C1QTNF8: variants seen among roughly 807,000 people sequenced by gnomAD.
C1QTNF8 encodes C1q and TNF related 8, also known as complement C1q tumor necrosis factor-related protein 8.
C1QTNF8 carries 27 observed loss-of-function variants against 19.2 expected under a neutral mutation model. The observed-to-expected ratio is 1.41, with a 90% CI of 1.04 to 1.94. The LOEUF (loss-of-function observed/expected upper bound fraction) is 1.94. Among genes scored for constraint, C1QTNF8 ranks in the 30% most tolerant of loss-of-function variants. C1QTNF8 has a pLI of 0.00. For synonymous variants in C1QTNF8, 208 were observed against 172.8 expected (o/e 1.20, Z -1.60); for missense variants, 484 against 374.4 (o/e 1.29, Z -2.42).
chr16:1,093,422 ACC>A, intron 4 of C1QTNF8, 73 bp downstream of exon 4: 1 of 451,222 alleles, frequency 2.2e-6, no homozygotes, highest in Non-Finnish European at 2.9e-6. Flanking sequence ...ACCCACACCC[ACC>A]CCCACACACA....
Position 1,088,785 on chromosome 16 carries a change from C to G in C1QTNF8, c.*1814G>C, listed in dbSNP as rs1297204823. On this transcript the variant is annotated 3_prime_UTR_variant, in exon 5 of 5. Transcript: ENST00000328449. The stretch of plus-strand genomic sequence containing the variant: ...ACCTTGCACCCCTGCCCGCCTGACC[C>G]CTGCTGCAGCCCGACCCCTGCCCGC... Among the ~76,000 whole-genome samples, 12 of 152,126 alleles carry G rather than the reference C, an allele frequency of 7.9e-5. No homozygotes were observed. Among genetic ancestry groups the G allele is most frequent in the Non-Finnish European group, 1.8e-4 (12 of 68,030 alleles).
At chr16:1,091,730 T>G (rs1960547804) in intron 4 of C1QTNF8, among the ~76,000 whole-genome samples, 1 of 152,014 alleles carries the variant, frequency 6.6e-6, no homozygotes. Context: ...CCAATCTTCC[T>G]CCAGCCCCCA....
rs934646359 is a variant in C1QTNF8 at position 1,089,245 on chromosome 16, G to A, written c.*1354C>T. ...TCCCATCCAGCCCTGCTCTCTCACC[G>A]GGGCCAAGAACCTCTGCATGGCCAG... On this transcript the variant is annotated 3_prime_UTR_variant, in exon 5 of 5. Coordinates refer to ENST00000328449, the MANE Select transcript of C1QTNF8 (RefSeq NM_207419.3). Among the ~76,000 whole-genome samples, 12 of 152,118 alleles carry A rather than the reference G, an allele frequency of 7.9e-5. No individual in the cohort carries two copies. Among genetic ancestry groups the A allele is most frequent in the Admixed American group, 1.3e-4 (2 of 15,278 alleles).
intron 4 of C1QTNF8, among the ~76,000 whole-genome samples, chr16:1,093,060 A>C (rs142945477): frequency 0.035 from 652 of 18,454 alleles, no homozygotes; most frequent in African/African-American, 0.08. Context: ...TCAACCAATC[A>C]CTGCACACAG....
Position 1,089,053 on chromosome 16 carries a change from C to G in C1QTNF8, c.*1546G>C, listed in dbSNP as rs1256921173. Among the ~76,000 whole-genome samples the G allele has an allele frequency of 6.6e-6, 1 of 152,190 alleles. No homozygotes were observed. The highest frequency in any genetic ancestry group is 1.5e-5 in the Non-Finnish European group (1 of 68,020). ...CTGCCACCCTGGCAGCACAGGCTCACTGGAATCACAGAGGCTGGAGACCCC... is the reference window on the plus strand; with the variant it reads ...CTGCCACCCTGGCAGCACAGGCTCAGTGGAATCACAGAGGCTGGAGACCCC... On this transcript the variant is annotated 3_prime_UTR_variant, in exon 5 of 5. Coordinates refer to ENST00000328449, the MANE Select transcript of C1QTNF8 (RefSeq NM_207419.3).
chr16:1,093,335 A>C (rs112015869), intron 4 of C1QTNF8, among the ~76,000 whole-genome samples, 162 bp downstream of exon 4: 32 of 136,062 alleles, frequency 2.4e-4, no homozygotes, highest in African/African-American at 5.3e-4. Context: ...AGCGCTCAAC[A>C]AATCACTGCA....
chr16:1,094,148 G>A (rs1960635717), intron 3 of C1QTNF8, 97 bp from the exon 4 acceptor site: 1 of 990,744 alleles, frequency 1.0e-6, no homozygotes, highest in Middle Eastern at 2.9e-4. Flanking sequence ...AAGGGTCACT[G>A]TAAGGACACA....
rs1452117671 is a variant in C1QTNF8 at position 1,088,980 on chromosome 16, C to A, written c.*1619G>T. ...TGGTGACGGGCACTTTCTGAGCTCC[C>A]TGGTGCAGGGGCTGGCGTCTTCCCG... On this transcript the variant is annotated 3_prime_UTR_variant, in exon 5 of 5. Transcript: ENST00000328449. Among the ~76,000 whole-genome samples the A allele has an allele frequency of 3.3e-5, 5 of 152,166 alleles. No individual in the cohort carries two copies. Among genetic ancestry groups the A allele is most frequent in the African/African-American group, 1.2e-4 (5 of 41,436 alleles).
At chr16:1,094,679 G>A (rs755053284) in intron 3 of C1QTNF8, 36 bp downstream of exon 3, 2 of 1,566,088 alleles carry the variant, frequency 1.3e-6, no homozygotes, top group South Asian at 1.1e-5. Flanking sequence ...TTGGGTCCTG[G>A]TGGGGGAGCA....
intron 3 of C1QTNF8, 70 bp from the exon 4 acceptor site, chr16:1,094,121 G>A: frequency 9.5e-6 from 12 of 1,256,918 alleles, no homozygotes; most frequent in Non-Finnish European, 1.2e-5. Flanking sequence ...CAGCACCCAG[G>A]CCAGGGGCTG....
In C1QTNF8 at chr16:1,089,790, G is replaced by T. The variant is rs1960506116; in HGVS notation, c.*809C>A. ...GGGGGTGTCCCGGTCGGGGTGGGAG[G>T]CCTGGGGTCTGCCAATCTCCCCTCG... On this transcript the variant is annotated 3_prime_UTR_variant, in exon 5 of 5. Coordinates refer to ENST00000328449, the MANE Select transcript of C1QTNF8 (RefSeq NM_207419.3). Among the ~76,000 whole-genome samples the T allele has an allele frequency of 6.6e-6, 1 of 152,118 alleles. No homozygotes were observed. The highest frequency in any genetic ancestry group is 1.5e-5 in the Non-Finnish European group (1 of 68,000).
chr16:1,091,923 T>TG (rs1960553049), intron 4 of C1QTNF8, among the ~76,000 whole-genome samples: 1 of 152,222 alleles, frequency 6.6e-6, no homozygotes, highest in Non-Finnish European at 1.5e-5. Context: ...TGGCCTCCCC[T>TG]GGGTCCATCC....
rs1217934445 is a variant in C1QTNF8 at position 1,093,383 on chromosome 16, A to ACCACAC, written c.*4+108_*4+113dup. 113 of 123,732 alleles carry ACCACAC rather than the reference A, an allele frequency of 9.1e-4. No homozygotes were observed. In the African/African-American group the frequency reaches 0.016, roughly 18 times the overall value. 7.7% of individuals were successfully genotyped at this position (123,732 alleles called of 1,614,324 possible). On this transcript the variant is annotated intron_variant, in intron 4 of 4. Transcript: ENST00000328449. The stretch of plus-strand genomic sequence containing the variant: ...TGAAGCTCCGCTGCCCGCCCACCCC[A>ACCACAC]CCACACCCACACCCACCCACACACA...
rs73494060 is a variant in C1QTNF8, at chr16:1,088,523, C to T, written c.*2076G>A. On this transcript the variant is annotated 3_prime_UTR_variant, in exon 5 of 5. Transcript: ENST00000328449. Reference sequence around the variant, plus strand: ...GGCCTCTACCAAGCATCCCTCTTTCCGCTCCCACCTGGCACTGGCAGCGTC... The same window carrying T: ...GGCCTCTACCAAGCATCCCTCTTTCTGCTCCCACCTGGCACTGGCAGCGTC... Among the ~76,000 whole-genome samples, 2,062 of 152,312 alleles carry T rather than the reference C, an allele frequency of 0.014. 40 individuals are homozygous for T. Among genetic ancestry groups the T allele is most frequent in the African/African-American group, 0.047 (1,963 of 41,546 alleles).
At position 1,093,719 on chromosome 16, in the gene C1QTNF8, G is replaced by T. The variant is rs770757572; in HGVS notation, c.541C>A (p.His181Asn). The change falls in exon 4 of 5, where the codon CAC (histidine) becomes AAC (asparagine). Residue 181 changes from histidine to asparagine, a missense_variant. Physicochemically the swap from His to Asn is moderately conservative, Grantham distance 68. Transcript: ENST00000328449. Reference sequence around the variant, plus strand: ...GCGGGCCGCCGGTTCAGCATGATGTGCAGGTAGGTCTCCTTGTAGTTCCAG... The same window carrying T: ...GCGGGCCGCCGGTTCAGCATGATGTTCAGGTAGGTCTCCTTGTAGTTCCAG... ...HTWNYKETYLHIMLNRRPAAV... is the reference protein window; with the variant it reads ...HTWNYKETYLNIMLNRRPAAV... The T allele has an allele frequency of 1.9e-6, 3 of 1,611,920 alleles. No homozygotes were observed. Among genetic ancestry groups the T allele is most frequent in the Non-Finnish European group, 2.5e-6 (3 of 1,179,452 alleles).
intron 4 of C1QTNF8, 24 bp downstream of exon 4, chr16:1,093,473 G>C: frequency 7.0e-7 from 1 of 1,438,372 alleles, no homozygotes; most frequent in Non-Finnish European, 9.1e-7. Flanking sequence ...CGCGCGCCCG[G>C]TGCTCAGCCG....
intron 4 of C1QTNF8, 139 bp downstream of exon 4, chr16:1,093,358 T>TCAA: frequency 1.6e-6 from 1 of 626,806 alleles, no homozygotes; most frequent in African/African-American, 2.0e-5. Context: ...CAGTCGGCGC[T>TCAA]GAAGCTCCGC....
At position 1,093,719 on chromosome 16, in the gene C1QTNF8, G is replaced by A. The variant is rs770757572; in HGVS notation, c.541C>T (p.His181Tyr). ...GCGGGCCGCCGGTTCAGCATGATGT[G>A]CAGGTAGGTCTCCTTGTAGTTCCAG... ...HTWNYKETYL[H>Y]IMLNRRPAAV... The change falls in exon 4 of 5, where the codon CAC (histidine) becomes TAC (tyrosine). Residue 181 changes from histidine to tyrosine, a missense_variant. His to Tyr is a moderately conservative substitution (Grantham distance 83). Transcript: ENST00000328449. 43 of 1,611,802 alleles carry A rather than the reference G, an allele frequency of 2.7e-5. 1 individual carries two copies. The South Asian group carries it at 4.7e-4, about 18-fold the overall frequency.
chr16:1,093,145 C>T (rs539820822), intron 4 of C1QTNF8, among the ~76,000 whole-genome samples: 2 of 142,782 alleles, frequency 1.4e-5, no homozygotes, highest in South Asian at 4.6e-4. Flanking sequence ...CAACAAATCA[C>T]AGCACACAGT....
Sources: gnomAD v4.1 joint callset for allele counts (sites outside exome capture counted in the v4.1 genomes callset) on GRCh38, gnomAD v4.1.1 for gene constraint, MANE v1.5 for transcripts, NCBI Gene and HGNC (gene_info 2026-07-23, HGNC 2026-07-21) for gene names.